The following WNT11 variants were observed in gnomAD, a reference collection of about 807,000 sequenced individuals.
WNT11 encodes Wnt family member 11.
Under a neutral mutation model 35.6 loss-of-function variants are expected in WNT11, and 20 were observed. That is an observed-to-expected ratio of 0.56 (90% confidence interval 0.40 to 0.82). The LOEUF (loss-of-function observed/expected upper bound fraction) is 0.82, where lower values mean the gene tolerates loss of function less well. Among genes scored for constraint, WNT11 ranks in the 40% least tolerant of loss-of-function variants. The pLI, the probability that WNT11 is intolerant of heterozygous loss-of-function variation, is 0.00. For missense variants in WNT11, 459 were observed against 504.4 expected (o/e 0.91, Z 0.86); for synonymous variants, 200 against 211.9 (o/e 0.94, Z 0.49).
chr11:76,194,490 T>C lies in WNT11; in HGVS notation c.597+77A>G, dbSNP rs950844506. 9.7e-5 allele frequency: 135 copies of C among 1,397,400 alleles called. No homozygotes were observed. Among genetic ancestry groups the C allele is most frequent in the Non-Finnish European group, 1.2e-4 (127 of 1,074,864 alleles). 86.6% of individuals were successfully genotyped at this position (1,397,400 alleles called of 1,614,324 possible). A position where few individuals can be genotyped will look rare whatever the true frequency, so the allele number is the denominator to read the frequency against. The stretch of plus-strand genomic sequence containing the variant: ...CCCGTCCCCCCGCACCCCCCACCAC[T>C]GGGGCAAGCTGGGTGGCCCTTTTCT... On this transcript the variant is annotated intron_variant, in intron 3 of 4. Coordinates refer to ENST00000322563, the MANE Select transcript of WNT11 (RefSeq NM_004626.3). The surrounding 1 kb of genome is among the most constrained non-coding windows in gnomAD (Gnocchi z 5.4).
intron 1 of WNT11, among the ~76,000 whole-genome samples, chr11:76,204,238 C>T (rs1217948299): frequency 6.6e-6 from 1 of 152,210 alleles, no homozygotes; most frequent in Non-Finnish European, 1.5e-5. Context: ...CTTTTCCCAC[C>T]TCCCCCTCTA....
At chr11:76,189,535 C>A (rs1415157049) in intron 4 of WNT11, among the ~76,000 whole-genome samples, 1 of 152,192 alleles carries the variant, frequency 6.6e-6, no homozygotes, top group Non-Finnish European at 1.5e-5. Context: ...GGCTGCAAGG[C>A]ATCTTCCGCA....
chr11:76,188,937 T>C (rs1486443489), intron 4 of WNT11, among the ~76,000 whole-genome samples: 1 of 152,046 alleles, frequency 6.6e-6, no homozygotes, highest in Non-Finnish European at 1.5e-5. Context: ...TGATCAGTGC[T>C]GGGGGAGAGG....
chr11:76,187,295 ACC>A, intron 4 of WNT11, 56 bp from the exon 5 acceptor site: 1 of 1,499,914 alleles, frequency 6.7e-7, no homozygotes, highest in Non-Finnish European at 8.9e-7. Flanking sequence ...CCCCACCAAC[ACC>A]CCATGACTCC....
At chr11:76,208,898 G>A (rs900929489), upstream of WNT11, among the ~76,000 whole-genome samples, 3 of 152,134 alleles carry the variant, frequency 2.0e-5, no homozygotes, top group Non-Finnish European at 4.4e-5. Context: ...CAGGCCACGG[G>A]GTCACCTTCC....
intron 4 of WNT11, 143 bp downstream of exon 4, chr11:76,191,421 T>G (rs1953181808): frequency 2.0e-6 from 2 of 986,326 alleles, no homozygotes; most frequent in Admixed American, 4.6e-5. Context: ...CACTTAGCAG[T>G]CCTGGGGCCA....
Position 76,194,094 on chromosome 11 carries a change from A to T in WNT11, c.597+473T>A, listed in dbSNP as rs1401021741. 6.6e-6 allele frequency among the ~76,000 whole-genome samples: 1 copy of T among 151,774 alleles called. No individual in the cohort carries two copies. Among genetic ancestry groups the T allele is most frequent in the Non-Finnish European group, 1.5e-5 (1 of 67,950 alleles). On this transcript the variant is annotated intron_variant, in intron 3 of 4. Transcript: ENST00000322563. This position sits in a 1 kb window ranked among gnomAD's most constrained non-coding sequence, Gnocchi z 5.4. ...TTGGTGTGGGTGGGAGTCCCCGTTA[A>T]ATCCAAGCAGATGACCCCTTAGCAT...
upstream of WNT11, among the ~76,000 whole-genome samples, chr11:76,208,011 G>T (rs147343698): frequency 2.0e-3 from 298 of 152,322 alleles, 3 homozygotes; most frequent in African/African-American, 6.8e-3. Flanking sequence ...CCACGGTAGT[G>T]GGGGCGCTGG....
rs767017101 is a variant in WNT11, at chr11:76,187,158, G to T, written c.972C>A (p.Arg324=). The change falls in exon 5 of 5, where the codon CGC becomes CGA. Residue 324 remains arginine, a synonymous_variant. Coordinates refer to ENST00000322563, the MANE Select transcript of WNT11 (RefSeq NM_004626.3). ...ACTTACAGTGGCACCGCTCGACCAC[G>T]CGGTCTGTGTAGGGGTTGTAGCCAC... ...CGRGYNPYTD[R]VVERCHCKYH... The T allele has an allele frequency of 6.2e-7, 1 of 1,611,722 alleles. No individual in the cohort carries two copies. The highest frequency in any genetic ancestry group is 8.5e-7 in the Non-Finnish European group (1 of 1,180,020).
intron 1 of WNT11, among the ~76,000 whole-genome samples, chr11:76,205,390 C>A (rs926211895): frequency 2.0e-5 from 3 of 152,126 alleles, no homozygotes; most frequent in African/African-American, 4.8e-5. Context: ...GGGAGCCCCT[C>A]TGCCCACAGC....
intron 2 of WNT11, among the ~76,000 whole-genome samples, chr11:76,195,680 G>C (rs181126041): frequency 6.6e-6 from 1 of 152,190 alleles, no homozygotes. Context: ...CCTCAGCTGC[G>C]GGGCCCTGGC....
intron 1 of WNT11, among the ~76,000 whole-genome samples, chr11:76,205,647 C>T (rs536360486): frequency 1.3e-5 from 2 of 152,246 alleles, no homozygotes; most frequent in African/African-American, 4.8e-5. Context: ...GTGTTTACTC[C>T]TCTCTTCACC....
chr11:76,210,592 C>T (rs1953556302), upstream of WNT11: 1 of 985,122 alleles, frequency 1.0e-6, no homozygotes, highest in Non-Finnish European at 1.2e-6. Context: ...GCGAAGGCGC[C>T]CTCTTCGTGA....
intron 1 of WNT11, among the ~76,000 whole-genome samples, chr11:76,200,165 A>G (rs1283458538): frequency 2.6e-5 from 4 of 151,250 alleles, no homozygotes; most frequent in Non-Finnish European, 5.9e-5. Flanking sequence ...CGCCCTGTGT[A>G]AGATCAACTG....
chr11:76,194,506 G>A lies in WNT11; in HGVS notation c.597+61C>T. ...CCCCACCACTGGGGCAAGCTGGGTGGCCCTTTTCTGGCCAATGGCACAAGC... is the reference window on the plus strand; with the variant it reads ...CCCCACCACTGGGGCAAGCTGGGTGACCCTTTTCTGGCCAATGGCACAAGC... On this transcript the variant is annotated intron_variant, in intron 3 of 4. Transcript: ENST00000322563. The surrounding 1 kb of genome is among the most constrained non-coding windows in gnomAD (Gnocchi z 5.4). 3 of 1,459,726 alleles carry A rather than the reference G, an allele frequency of 2.1e-6. No homozygotes were observed. Among genetic ancestry groups the A allele is most frequent in the Non-Finnish European group, 2.7e-6 (3 of 1,106,276 alleles). The allele number at this position is 1,459,726 out of a possible 1,614,324, so 90.4% of individuals were successfully genotyped here.
At chr11:76,207,158 T>C (rs1255326123), upstream of WNT11, among the ~76,000 whole-genome samples, 1 of 152,024 alleles carries the variant, frequency 6.6e-6, no homozygotes, top group Non-Finnish European at 1.5e-5. Flanking sequence ...GGTCAGGAGC[T>C]CGAGACCAGC....
chr11:76,198,194 CACTTA>C (rs1160608966), intron 1 of WNT11, among the ~76,000 whole-genome samples: 3 of 152,208 alleles, frequency 2.0e-5, no homozygotes, highest in African/African-American at 7.2e-5. Context: ...TTGAGCAAGT[CACTTA>C]ACCTCTCCTC....
Position 76,195,312 on chromosome 11 carries a change from G to A in WNT11, c.320-468C>T, listed in dbSNP as rs189609610. 8.5e-4 allele frequency among the ~76,000 whole-genome samples: 129 copies of A among 152,354 alleles called. 1 individual carries two copies. Among genetic ancestry groups the A allele is most frequent in the Non-Finnish European group, 1.4e-3 (93 of 68,030 alleles). On this transcript the variant is annotated intron_variant, in intron 2 of 4. Transcript: ENST00000322563. ...TTTGCAGATGTAATGGGGCTGAGAC[G>A]AGGTCATACCGGATCAGGGTGGGCC...
upstream of WNT11, chr11:76,206,666 G>T: frequency 1.4e-6 from 1 of 709,822 alleles, no homozygotes; most frequent in Admixed American, 5.0e-5. Context: ...GCTCGAATTA[G>T]GCGCGGCCGA....
Sources: gnomAD v4.1 joint callset for allele counts (sites outside exome capture counted in the v4.1 genomes callset) on GRCh38, gnomAD v4.1.1 for gene constraint, Gnocchi (gnomAD v3.1) non-coding constraint, MANE v1.5 for transcripts, NCBI Gene and HGNC (gene_info 2026-07-23, HGNC 2026-07-21) for gene names.